The following MEGF9 variants were observed in gnomAD, a reference collection of about 807,000 sequenced individuals.
The protein encoded by MEGF9 is multiple epidermal growth factor-like domains protein 9.
In MEGF9, 6 loss-of-function variants were observed where a neutral mutation model predicts 46.8. The observed-to-expected ratio is 0.13, with a 90% CI of 0.07 to 0.25. MEGF9 has a LOEUF of 0.25. MEGF9 is among the 10% of genes least tolerant of loss of function. The pLI is 1.00. For synonymous variants in MEGF9, 302 were observed against 330.7 expected (o/e 0.91, Z 0.94); for missense variants, 683 against 792.4 (o/e 0.86, Z 1.66).
intron 1 of MEGF9, among the ~76,000 whole-genome samples, chr9:120,670,601 C>T (rs1373318486): frequency 6.6e-6 from 1 of 152,194 alleles, no homozygotes; most frequent in African/African-American, 2.4e-5. Flanking sequence ...TTTAAGTCTT[C>T]CATCCCACTG....
At chr9:120,662,140 G>A (rs1412857290) in intron 1 of MEGF9, among the ~76,000 whole-genome samples, 1 of 152,128 alleles carries the variant, frequency 6.6e-6, no homozygotes, top group African/African-American at 2.4e-5. Flanking sequence ...TTGAATTTAA[G>A]AACTCAGATA....
intron 2 of MEGF9, among the ~76,000 whole-genome samples, chr9:120,650,660 A>G (rs2043645634): frequency 6.6e-6 from 1 of 152,258 alleles, no homozygotes; most frequent in African/African-American, 2.4e-5. Flanking sequence ...TTAGTTCCAT[A>G]GACTTTCAAT....
chr9:120,659,316 C>G, intron 2 of MEGF9, 58 bp downstream of exon 2: 1 of 1,479,104 alleles, frequency 6.8e-7, no homozygotes. Context: ...AGAGTAGCAG[C>G]CTTTTTTTTC....
chr9:120,713,675 T>C, intron 1 of MEGF9, 83 bp downstream of exon 1: 1 of 1,237,834 alleles, frequency 8.1e-7, no homozygotes, highest in Non-Finnish European at 1.0e-6. Flanking sequence ...TAACAAACGA[T>C]AAATTATAGG....
chr9:120,628,468 GTT>G (rs1170322238), intron 2 of MEGF9, among the ~76,000 whole-genome samples: 1,254 of 68,988 alleles, frequency 0.018, 24 homozygotes, highest in African/African-American at 0.069. Flanking sequence ...TCTTGTCGTT[GTT>G]TTTTTTTTTT....
At position 120,622,679 on chromosome 9, in the gene MEGF9, T is replaced by G. The variant is rs772500810; in HGVS notation, c.880A>C (p.Ser294Arg). 10 of 1,613,886 alleles carry G rather than the reference T, an allele frequency of 6.2e-6. No homozygotes were observed. The highest frequency in any genetic ancestry group is 1.1e-5 in the South Asian group (1 of 91,072). Residue 294 changes from serine to arginine, a missense_variant, in exon 3 of 6, where the codon AGT (serine) becomes CGT (arginine). By Grantham distance (110) the Ser-to-Arg change is moderately radical. Around this residue, in one of 2 missense-constraint regions of MEGF9, gnomAD observed 313 missense variants for 421.1 expected, o/e 0.74. Coordinates refer to ENST00000373930, the MANE Select transcript of MEGF9 (RefSeq NM_001080497.3). The stretch of plus-strand genomic sequence containing the variant: ...TGGCAGGGCAAGCAGCCATTCTTAC[T>G]AAAGCCATAATATCCATCTTGGCAT... ...DRCQDGYYGF[S>R]KNGCLPCQCN...
At chr9:120,664,309 G>T (rs2043715634) in intron 1 of MEGF9, among the ~76,000 whole-genome samples, 1 of 152,020 alleles carries the variant, frequency 6.6e-6, no homozygotes, top group South Asian at 2.1e-4. Context: ...GGAGTTTTTG[G>T]AAAATACTAA....
chr9:120,691,136 G>C (rs560371524), intron 1 of MEGF9, among the ~76,000 whole-genome samples: 1 of 152,104 alleles, frequency 6.6e-6, no homozygotes, highest in East Asian at 1.9e-4. Context: ...CCTCAGTTGA[G>C]TTACTAGGTA....
In MEGF9 at chr9:120,713,848, G is replaced by A. The variant is rs2043964700; in HGVS notation, c.511C>T (p.Arg171Trp). ...CTGGGGAGATCGGGGGTCGGGGTCC[G>A]GGGAGTCGTGGGCGCCGGTACGGTG... is the stretch of plus-strand genomic sequence containing the variant. Reference protein sequence around the residue: ...ATTVPAPTTPRTPTPDLPSSS... With the variant: ...ATTVPAPTTPWTPTPDLPSSS... The change falls in exon 1 of 6, where the codon CGG becomes TGG. Residue 171 changes from arginine to tryptophan, a missense_variant. Physicochemically the swap from Arg to Trp is moderately radical, Grantham distance 101. Around this residue, in one of 2 missense-constraint regions of MEGF9, gnomAD observed 370 missense variants for 371.3 expected, o/e 1.00. Coordinates refer to ENST00000373930, the MANE Select transcript of MEGF9 (RefSeq NM_001080497.3). 2 of 1,301,648 alleles carry A rather than the reference G, an allele frequency of 1.5e-6. No homozygotes were observed. The highest frequency in any genetic ancestry group is 5.8e-5 in the South Asian group (2 of 34,570). The allele number at this position is 1,301,648 out of a possible 1,614,324, so 80.6% of individuals were successfully genotyped here. A position where few individuals can be genotyped will look rare whatever the true frequency, so the allele number is the denominator to read the frequency against.
At chr9:120,710,942 T>C (rs1051653808) in intron 1 of MEGF9, among the ~76,000 whole-genome samples, 2 of 152,196 alleles carry the variant, frequency 1.3e-5, no homozygotes, top group Non-Finnish European at 2.9e-5. Context: ...CTACCTAATA[T>C]TTAAAACACA....
chr9:120,662,385 T>C (rs538504640), intron 1 of MEGF9, among the ~76,000 whole-genome samples: 30 of 152,346 alleles, frequency 2.0e-4, no homozygotes, highest in African/African-American at 7.2e-4. Flanking sequence ...CACTTCTCCA[T>C]AAACTCTAAC....
At chr9:120,679,937 CA>C (rs34290703) in intron 1 of MEGF9, among the ~76,000 whole-genome samples, 5,203 of 118,572 alleles carry the variant, frequency 0.044, 239 homozygotes, top group African/African-American at 0.17. Flanking sequence ...GACTCCGTCT[CA>C]AAAAAAAAAA....
intron 3 of MEGF9, among the ~76,000 whole-genome samples, chr9:120,612,911 G>T (rs2043455198): frequency 6.9e-6 from 1 of 145,506 alleles, no homozygotes; most frequent in Non-Finnish European, 1.5e-5. Context: ...ATACATGCAT[G>T]AACATGCACA....
rs377201865 is a variant in MEGF9, at chr9:120,608,934, G to A, written c.1088-924C>T. 2.0e-5 allele frequency among the ~76,000 whole-genome samples: 3 copies of A among 152,242 alleles called. No homozygotes were observed. The South Asian group carries it at 6.2e-4, about 32-fold the overall frequency. ...TCCCACTGGAGTGATCTTAGATTAAGCCTTCATCATTTCTCACCTAGATTA... is the reference window on the plus strand; with the variant it reads ...TCCCACTGGAGTGATCTTAGATTAAACCTTCATCATTTCTCACCTAGATTA... On this transcript the variant is annotated intron_variant, in intron 4 of 5. Coordinates refer to ENST00000373930, the MANE Select transcript of MEGF9 (RefSeq NM_001080497.3).
At chr9:120,702,049 A>T (rs770555633) in intron 1 of MEGF9, among the ~76,000 whole-genome samples, 13 of 152,086 alleles carry the variant, frequency 8.5e-5, no homozygotes, top group East Asian at 1.9e-4. Flanking sequence ...TCTCTAAAAA[A>T]AAAAATAAAA....
chr9:120,704,307 C>A (rs887126395), intron 1 of MEGF9, among the ~76,000 whole-genome samples: 2 of 151,726 alleles, frequency 1.3e-5, no homozygotes, highest in Non-Finnish European at 1.5e-5. Flanking sequence ...GCATCCCAGC[C>A]TGGGCGACAG....
chr9:120,697,103 G>A (rs2043881078), intron 1 of MEGF9, among the ~76,000 whole-genome samples: 3 of 152,140 alleles, frequency 2.0e-5, no homozygotes, highest in Non-Finnish European at 4.4e-5. Context: ...TTTTTTTGGA[G>A]ACAGGGTCTC....
intron 2 of MEGF9, among the ~76,000 whole-genome samples, chr9:120,639,489 C>T (rs2043592777): frequency 8.5e-6 from 1 of 118,072 alleles, no homozygotes; most frequent in Non-Finnish European, 1.6e-5. Context: ...GCCTGGGTGA[C>T]AGAGTGAGAC....
chr9:120,681,879 T>G (rs747843390), intron 1 of MEGF9, among the ~76,000 whole-genome samples: 2 of 152,216 alleles, frequency 1.3e-5, no homozygotes, highest in Non-Finnish European at 2.9e-5. Context: ...AAGATTAGTT[T>G]ATGAAGTAAA....
Sources: allele counts gnomAD v4.1 joint callset (sites outside exome capture counted in the v4.1 genomes callset), GRCh38; gene constraint gnomAD v4.1.1; regional missense constraint gnomAD v4.1.1; transcripts MANE v1.5; gene names NCBI Gene and HGNC (gene_info 2026-07-23, HGNC 2026-07-21).